ZNF131: variants seen among roughly 807,000 people sequenced by gnomAD.
ZNF131 encodes zinc finger protein 131.
ZNF131 carries 7 observed loss-of-function variants against 60.0 expected under a neutral mutation model. That is an observed-to-expected ratio of 0.12 (90% CI 0.07 to 0.22). The LOEUF (loss-of-function observed/expected upper bound fraction) is 0.22, where lower values mean the gene tolerates loss of function less well. Among genes scored for constraint, ZNF131 ranks in the 10% least tolerant of loss-of-function variants. The pLI is 1.00. For missense variants in ZNF131, 493 were observed against 740.9 expected (o/e 0.67, Z 3.88); for synonymous variants, 257 against 253.2 (o/e 1.01, Z -0.14).
chr5:43,149,436 C>G lies in ZNF131; in HGVS notation c.371+10127C>G, dbSNP rs989567298. Among the ~76,000 whole-genome samples the G allele has an allele frequency of 4.6e-5, 7 of 152,306 alleles. No homozygotes were observed. The East Asian group carries it at 1.3e-3, about 29-fold the overall frequency. On this transcript the variant is annotated intron_variant, in intron 4 of 6. Transcript: ENST00000682664. ...ATGGATGTATCACCATTTGTTGATT[C>G]ACCTGTTGATGGACATTTAGGTTGT...
chr5:43,164,402 A>G (rs1010807881), intron 5 of ZNF131, among the ~76,000 whole-genome samples: 3 of 152,224 alleles, frequency 2.0e-5, no homozygotes, highest in Admixed American at 2.0e-4. Context: ...GTCCTTAGAA[A>G]ACGAATAATA....
intron 5 of ZNF131, among the ~76,000 whole-genome samples, chr5:43,170,635 C>CTTTTTT (rs35855782): frequency 1.4e-5 from 2 of 141,448 alleles, no homozygotes. Flanking sequence ...TCTTTGTCCC[C>CTTTTTT]TTTTTTTTTT....
chr5:43,134,705 T>TC (rs1554064590), intron 3 of ZNF131, among the ~76,000 whole-genome samples: 2 of 144,232 alleles, frequency 1.4e-5, no homozygotes, highest in Non-Finnish European at 3.0e-5. Context: ...TTTTTTTTTT[T>TC]TTTTTTTTTT....
chr5:43,126,631 G>C (rs959133028), intron 3 of ZNF131, among the ~76,000 whole-genome samples: 1 of 152,150 alleles, frequency 6.6e-6, no homozygotes, highest in Admixed American at 6.5e-5. Flanking sequence ...CTGTAGAGGG[G>C]CTCATTTCCT....
chr5:43,158,409 C>T (rs754795024), intron 4 of ZNF131, among the ~76,000 whole-genome samples: 32 of 152,228 alleles, frequency 2.1e-4, no homozygotes, highest in Non-Finnish European at 3.5e-4. Context: ...CCTGCCTCAG[C>T]CTCCCAAATA....
chr5:43,145,023 G>C (rs1747401633), intron 4 of ZNF131, among the ~76,000 whole-genome samples: 1 of 151,786 alleles, frequency 6.6e-6, no homozygotes. Context: ...AATCATATTA[G>C]TGTTCCCACA....
intron 3 of ZNF131, among the ~76,000 whole-genome samples, chr5:43,138,643 C>T (rs1746431385): frequency 6.6e-6 from 1 of 152,064 alleles, no homozygotes; most frequent in Non-Finnish European, 1.5e-5. Context: ...GAGTGAAACT[C>T]CATCTCAAAA....
intron 4 of ZNF131, among the ~76,000 whole-genome samples, chr5:43,144,289 C>T (rs1171407117): frequency 3.7e-5 from 4 of 107,164 alleles, no homozygotes; most frequent in Non-Finnish European, 5.2e-5. Context: ...TTTGTGTTGG[C>T]ACGATCCTGG....
chr5:43,175,293 C>G lies in ZNF131; in HGVS notation c.*160C>G. On this transcript the variant is annotated 3_prime_UTR_variant, in exon 7 of 7. Coordinates refer to ENST00000682664, the MANE Select transcript of ZNF131 (RefSeq NM_001330707.2). ...TCCGTTGAAACACATTGATTCCCCT[C>G]CCCCTACTTATTGCCACAGAGGAGG... 1 of 751,598 alleles carries G rather than the reference C, an allele frequency of 1.3e-6. No homozygotes were observed. 46.6% of individuals were successfully genotyped at this position (751,598 alleles called of 1,614,324 possible). A position where few individuals can be genotyped will look rare whatever the true frequency, so the allele number is the denominator to read the frequency against.
intron 3 of ZNF131, among the ~76,000 whole-genome samples, chr5:43,127,360 A>G (rs578050794): frequency 6.6e-6 from 1 of 152,196 alleles, no homozygotes; most frequent in African/African-American, 2.4e-5. Flanking sequence ...GGTTCTTGAT[A>G]TACTATGTAG....
chr5:43,160,081 CAGG>C (rs1282004890), intron 4 of ZNF131, among the ~76,000 whole-genome samples: 1 of 151,306 alleles, frequency 6.6e-6, no homozygotes, highest in African/African-American at 2.4e-5. Flanking sequence ...GAGGCTGAGG[CAGG>C]AGAATGGCGT....
At chr5:43,131,541 C>T (rs1745358493) in intron 3 of ZNF131, among the ~76,000 whole-genome samples, 1 of 152,092 alleles carries the variant, frequency 6.6e-6, no homozygotes, top group South Asian at 2.1e-4. Context: ...GGAAGATCCC[C>T]CTCACAAGAT....
chr5:43,140,499 T>C (rs777116956), intron 4 of ZNF131, among the ~76,000 whole-genome samples: 1 of 152,212 alleles, frequency 6.6e-6, no homozygotes, highest in South Asian at 2.1e-4. Flanking sequence ...GCAAAGTGTT[T>C]AGCATGGTGT....
chr5:43,160,796 G>A (rs2444782), intron 4 of ZNF131, among the ~76,000 whole-genome samples: 9,993 of 149,308 alleles, frequency 0.067, 396 homozygotes, highest in South Asian at 0.13. Context: ...TGATTCTCCT[G>A]CCTCAGCCTG....
intron 3 of ZNF131, among the ~76,000 whole-genome samples, chr5:43,127,547 C>T (rs138699506): frequency 2.0e-5 from 3 of 152,288 alleles, no homozygotes; most frequent in African/African-American, 7.2e-5. Context: ...TGTTGAGGAC[C>T]ACTGTCTTAG....
chr5:43,163,274 G>A (rs931390688), intron 5 of ZNF131, among the ~76,000 whole-genome samples: 5 of 152,034 alleles, frequency 3.3e-5, no homozygotes, highest in Admixed American at 2.0e-4. Flanking sequence ...CACCACATCC[G>A]GCCCATGTTT....
intron 2 of ZNF131, among the ~76,000 whole-genome samples, chr5:43,122,839 T>A (rs1744048246): frequency 6.6e-6 from 1 of 152,242 alleles, no homozygotes; most frequent in Non-Finnish European, 1.5e-5. Context: ...TACGGTTTTT[T>A]TCTCTCTTTC....
intron 4 of ZNF131, among the ~76,000 whole-genome samples, chr5:43,156,536 C>T (rs1748984174): frequency 6.6e-6 from 1 of 152,214 alleles, no homozygotes; most frequent in South Asian, 2.1e-4. Context: ...ACAGAAGCTG[C>T]ACGTGGCTTG....
At chr5:43,146,228 C>A (rs1198908105) in intron 4 of ZNF131, among the ~76,000 whole-genome samples, 1 of 152,198 alleles carries the variant, frequency 6.6e-6, no homozygotes, top group African/African-American at 2.4e-5. Context: ...TGTAAACTTT[C>A]TGAACGACAC....
Sources: allele counts gnomAD v4.1 joint callset (sites outside exome capture counted in the v4.1 genomes callset), GRCh38; gene constraint gnomAD v4.1.1; transcripts MANE v1.5; gene names NCBI Gene and HGNC (gene_info 2026-07-23, HGNC 2026-07-21).